The following ZNF251 variants were observed in gnomAD, a reference collection of about 807,000 sequenced individuals.
ZNF251 encodes zinc finger protein 251.
Under a neutral mutation model 13.5 loss-of-function variants are expected in ZNF251, and 14 were observed. That is an observed-to-expected ratio of 1.04 (90% CI 0.69 to 1.63). ZNF251 has a LOEUF of 1.63. Ranked by LOEUF, ZNF251 falls within the 40% of genes most tolerant of loss-of-function variation. The pLI is 0.00. For missense variants in ZNF251, 764 were observed against 834.9 expected, an observed-to-expected ratio of 0.92 and a Z score of 1.05; for synonymous variants, 287 against 295.2, an observed-to-expected ratio of 0.97 and a Z score of 0.28.
Position 144,730,176 on chromosome 8 carries a change from G to A in ZNF251, c.278-6794C>T, listed in dbSNP as rs111829052. On this transcript the variant is annotated intron_variant, in intron 4 of 4. Coordinates refer to ENST00000292562, the MANE Select transcript of ZNF251 (RefSeq NM_138367.2). ...AGTGGAGAGCCATGTTTTATCCACC[G>A]GGCCTAAAGCCCCTCCAGGCGCGGG... 5.3e-6 allele frequency: 5 copies of A among 943,922 alleles called. No individual in the cohort carries two copies. The African/African-American group carries it at 5.3e-5, about 10-fold the overall frequency. 58.5% of individuals were successfully genotyped at this position (943,922 alleles called of 1,614,324 possible). A position where few individuals can be genotyped will look rare whatever the true frequency, so the allele number is the denominator to read the frequency against.
At chr8:144,754,846 G>T in intron 1 of ZNF251, 43 bp from the exon 2 acceptor site, 1 of 1,493,750 alleles carries the variant, frequency 6.7e-7, no homozygotes, top group African/African-American at 1.4e-5. Context: ...TCAACCAGGG[G>T]TGTGGAAGGA....
intron 4 of ZNF251, 80 bp downstream of exon 4, chr8:144,753,603 C>T: frequency 8.7e-7 from 1 of 1,153,484 alleles, no homozygotes; most frequent in Middle Eastern, 2.2e-4. Context: ...GAACGCCATG[C>T]CCCAGCTGTC....
rs1449734272 is a variant in ZNF251 at position 144,734,405 on chromosome 8, A to G, written c.278-11023T>C. On this transcript the variant is annotated intron_variant, in intron 4 of 4. Coordinates refer to ENST00000292562, the MANE Select transcript of ZNF251 (RefSeq NM_138367.2). This position sits in a 1 kb window ranked among gnomAD's most constrained non-coding sequence, Gnocchi z 4.4. The stretch of plus-strand genomic sequence containing the variant: ...AAACCGGCTACGATTGGTGGGCAAA[A>G]GCAAATGCCCTGAGCACCCGGTTCC... Among the ~76,000 whole-genome samples the G allele has an allele frequency of 2.0e-5, 3 of 152,196 alleles. No individual in the cohort carries two copies. The highest frequency in any genetic ancestry group is 7.2e-5 in the African/African-American group (3 of 41,468).
At chr8:144,741,058 A>G (rs1406619670) in intron 4 of ZNF251, among the ~76,000 whole-genome samples, 4 of 152,268 alleles carry the variant, frequency 2.6e-5, no homozygotes, top group Admixed American at 6.5e-5. Flanking sequence ...AGTGCTGCCG[A>G]AGGCAATGCC....
intron 4 of ZNF251, among the ~76,000 whole-genome samples, chr8:144,732,540 C>T (rs35038249): frequency 0.044 from 6,689 of 152,024 alleles, 151 homozygotes; most frequent in Non-Finnish European, 0.063. Context: ...AAGCCGGGCG[C>T]GGTGGCTCAC....
Position 144,734,481 on chromosome 8 carries a change from G to A in ZNF251, c.278-11099C>T, listed in dbSNP as rs1823819055. On this transcript the variant is annotated intron_variant, in intron 4 of 4. Coordinates refer to ENST00000292562, the MANE Select transcript of ZNF251 (RefSeq NM_138367.2). The surrounding 1 kb of genome is among the most constrained non-coding windows in gnomAD (Gnocchi z 4.4). ...CACCTGGCTCTGAGATGAGTGTAAGGCTCACAGCAACGGCATGAACTCTAC... is the reference window on the plus strand; with the variant it reads ...CACCTGGCTCTGAGATGAGTGTAAGACTCACAGCAACGGCATGAACTCTAC... Among the ~76,000 whole-genome samples the A allele has an allele frequency of 6.6e-6, 1 of 152,180 alleles. No individual in the cohort carries two copies. Among genetic ancestry groups the A allele is most frequent in the African/African-American group, 2.4e-5 (1 of 41,438 alleles).
chr8:144,733,246 A>G (rs928838977), intron 4 of ZNF251, among the ~76,000 whole-genome samples: 2 of 152,146 alleles, frequency 1.3e-5, no homozygotes, highest in Non-Finnish European at 2.9e-5. Flanking sequence ...AAATGTTGAT[A>G]AAATATTACT....
chr8:144,750,109 T>TA (rs1563770944), intron 4 of ZNF251, among the ~76,000 whole-genome samples: 1 of 152,206 alleles, frequency 6.6e-6, no homozygotes, highest in South Asian at 2.1e-4. Flanking sequence ...ATCATAGTTT[T>TA]AAAAAAATAC....
Position 144,731,293 on chromosome 8 carries a change from T to C in ZNF251, c.278-7911A>G, listed in dbSNP as rs148317868. On this transcript the variant is annotated intron_variant, in intron 4 of 4. Coordinates refer to ENST00000292562, the MANE Select transcript of ZNF251 (RefSeq NM_138367.2). ...TCAGAACCATAGTTTCACGAAACTA[T>C]GCAGTTCTTCGTCTTCCTCCAGCTC... is the stretch of plus-strand genomic sequence containing the variant. 1.3e-3 allele frequency among the ~76,000 whole-genome samples: 197 copies of C among 152,338 alleles called. 1 individual carries two copies. Among genetic ancestry groups the C allele is most frequent in the African/African-American group, 4.6e-3 (191 of 41,582 alleles).
chr8:144,724,923 C>G (rs1416486896), intron 4 of ZNF251, among the ~76,000 whole-genome samples: 1 of 152,182 alleles, frequency 6.6e-6, no homozygotes, highest in Admixed American at 6.5e-5. Context: ...CTGGGCTTGG[C>G]ATTTTTTCTG....
intron 4 of ZNF251, among the ~76,000 whole-genome samples, chr8:144,744,030 T>G (rs1273908275): frequency 8.7e-6 from 1 of 114,932 alleles, no homozygotes; most frequent in Admixed American, 8.7e-5. Flanking sequence ...TTTTTTTTTT[T>G]GGAGATGGAG....
At position 144,734,391 on chromosome 8, in the gene ZNF251, G is replaced by A. The variant is rs567146936; in HGVS notation, c.278-11009C>T. Among the ~76,000 whole-genome samples, 3 of 152,348 alleles carry A rather than the reference G, an allele frequency of 2.0e-5. No individual in the cohort carries two copies. Among genetic ancestry groups the A allele is most frequent in the South Asian group, 2.1e-4 (1 of 4,834 alleles). Reference sequence around the variant, plus strand: ...CTAATCCCTGGCACAAACCGGCTACGATTGGTGGGCAAAAGCAAATGCCCT... The same window carrying A: ...CTAATCCCTGGCACAAACCGGCTACAATTGGTGGGCAAAAGCAAATGCCCT... On this transcript the variant is annotated intron_variant, in intron 4 of 4. Transcript: ENST00000292562. The surrounding 1 kb of genome is among the most constrained non-coding windows in gnomAD (Gnocchi z 4.4).
intron 4 of ZNF251, among the ~76,000 whole-genome samples, chr8:144,740,154 G>A (rs1329704990): frequency 6.6e-6 from 1 of 151,138 alleles, no homozygotes; most frequent in East Asian, 2.0e-4. Context: ...GTGTGGTGGT[G>A]CATGCCTGTA....
intron 4 of ZNF251, among the ~76,000 whole-genome samples, chr8:144,737,643 T>G (rs1823958912): frequency 1.3e-5 from 2 of 151,504 alleles, no homozygotes; most frequent in African/African-American, 2.4e-5. Context: ...CCATCCTGGC[T>G]AACACGGTGA....
chr8:144,746,529 T>C (rs1192900778), intron 4 of ZNF251, among the ~76,000 whole-genome samples: 1 of 152,200 alleles, frequency 6.6e-6, no homozygotes, highest in Non-Finnish European at 1.5e-5. Flanking sequence ...ATTCCCTCTG[T>C]TTTTATTTTC....
intron 4 of ZNF251, among the ~76,000 whole-genome samples, chr8:144,751,368 T>C (rs1168166737): frequency 6.6e-6 from 1 of 152,242 alleles, no homozygotes; most frequent in Non-Finnish European, 1.5e-5. Flanking sequence ...AAACTGAAAT[T>C]ATCACATTGT....
chr8:144,722,723 T>C lies in ZNF251; in HGVS notation c.937A>G (p.Ile313Val). The C allele has an allele frequency of 6.2e-7, 1 of 1,614,000 alleles. No homozygotes were observed. Among genetic ancestry groups the C allele is most frequent in the Middle Eastern group, 1.6e-4 (1 of 6,062 alleles). Residue 313 changes from isoleucine (I) to valine (V), a missense_variant, in exon 5 of 5, where the codon ATC becomes GTC. Ile to Val is a conservative substitution (Grantham distance 29). Coordinates refer to ENST00000292562, the MANE Select transcript of ZNF251 (RefSeq NM_138367.2). The surrounding 1 kb of genome is among the most constrained non-coding windows in gnomAD (Gnocchi z 4.8). The part of the protein sequence containing the change: ...SRSSTLIQHR[I>V]IHTGEKPYKC... ...TAGGGTTTCTCTCCTGTGTGAATGA[T>C]CCGATGTTGAATAAGAGTTGAGCTT... is the stretch of plus-strand genomic sequence containing the variant.
At chr8:144,752,502 A>G (rs145458157) in intron 4 of ZNF251, among the ~76,000 whole-genome samples, 1 of 152,344 alleles carries the variant, frequency 6.6e-6, no homozygotes, top group African/African-American at 2.4e-5. Context: ...GTTAATGAAA[A>G]TACAACATAT....
chr8:144,743,945 T>C (rs970145051), intron 4 of ZNF251, among the ~76,000 whole-genome samples: 1 of 152,088 alleles, frequency 6.6e-6, no homozygotes, highest in Non-Finnish European at 1.5e-5. Context: ...ATAATGGTCA[T>C]TTATATGTGC....
Sources: allele counts gnomAD v4.1 joint callset (sites outside exome capture counted in the v4.1 genomes callset), GRCh38; gene constraint gnomAD v4.1.1; non-coding constraint Gnocchi (gnomAD v3.1); transcripts MANE v1.5; gene names NCBI Gene and HGNC (gene_info 2026-07-23, HGNC 2026-07-21).